Variants in PFKP observed in about 807,000 individuals in gnomAD.
PFKP encodes the protein phosphofructokinase, platelet.
A neutral mutation model predicts 94.3 loss-of-function variants in PFKP; 101 were observed. The ratio of observed to expected loss-of-function variants is 1.07; its 90% CI spans 0.91 to 1.26. The LOEUF is 1.26. PFKP is among the 50% of genes most tolerant of loss of function. The pLI, the probability that PFKP is intolerant of heterozygous loss-of-function variation, is 0.00. For missense variants in PFKP, 1,145 were observed against 1,103.3 expected (o/e 1.04, Z -0.53); for synonymous variants, 573 against 432.6 (o/e 1.32, Z -4.03).
rs1564303105 is a variant in PFKP at position 3,103,793 on chromosome 10, G to T, written c.469G>T (p.Glu157Ter). 1.2e-6 allele frequency: 2 copies of T among 1,613,936 alleles called. No individual in the cohort carries two copies. Among genetic ancestry groups the T allele is most frequent in the African/African-American group, 2.7e-5 (2 of 75,062 alleles). ...ELARNGQIDK[E>*]AVQKYAYLNV... is the part of the protein sequence containing the mutation. The stretch of plus-strand genomic sequence containing the variant: ...TCCCCGCGCAGGCCAGATCGATAAG[G>T]AGGCCGTGCAGAAGTACGCCTACCT... The change falls in exon 5 of 22, where the codon GAG (glutamate) becomes TAG (stop). Residue 157 changes from glutamate (E) to a stop codon, truncating the protein, a stop_gained. Transcript: ENST00000381125. LOFTEE classifies it high-confidence loss of function.
intron 2 of PFKP, among the ~76,000 whole-genome samples, chr10:3,086,095 G>T (rs1833570042): frequency 6.6e-6 from 1 of 152,104 alleles, no homozygotes; most frequent in African/African-American, 2.4e-5. Context: ...AGCTGTTTGG[G>T]GATGGAGTAT....
chr10:3,124,818 A>C (rs1156855787), intron 16 of PFKP, among the ~76,000 whole-genome samples: 3 of 149,468 alleles, frequency 2.0e-5, no homozygotes, highest in Admixed American at 2.0e-4. Flanking sequence ...CGTTGCCTGC[A>C]ACCTGCTCCG....
At chr10:3,111,247 T>G (rs1198198288) in intron 10 of PFKP, among the ~76,000 whole-genome samples, 1 of 152,162 alleles carries the variant, frequency 6.6e-6, no homozygotes, top group Non-Finnish European at 1.5e-5. Context: ...TGCAGATGTG[T>G]GCATGTTGGC....
intron 1 of PFKP, among the ~76,000 whole-genome samples, chr10:3,071,639 G>A (rs771725354): frequency 6.6e-6 from 1 of 152,154 alleles, no homozygotes; most frequent in Non-Finnish European, 1.5e-5. Context: ...GTCACAGGTT[G>A]TGGCTTCTGA....
chr10:3,111,379 T>A (rs544740687), intron 10 of PFKP, among the ~76,000 whole-genome samples: 1 of 152,262 alleles, frequency 6.6e-6, no homozygotes, highest in South Asian at 2.1e-4. Flanking sequence ...TGTGTGCATG[T>A]GAGAGGCAGT....
At chr10:3,093,638 C>CTTTTTTTTTTTTTTTTTTTTTTTTTTTT (rs765547765) in intron 2 of PFKP, among the ~76,000 whole-genome samples, 1 of 94,056 alleles carries the variant, frequency 1.1e-5, no homozygotes, top group African/African-American at 4.7e-5. Context: ...CAAGCATTAT[C>CTTTTTTTTTTTTTTTTTTTTTTTTTTTT]TTTTTTTTTT....
rs11819604 is a variant in PFKP, at chr10:3,083,613, C to A, written c.186+1152C>A. Reference sequence around the variant, plus strand: ...ACGATTATGTCATGACTTTTCACTACGTAGGTTTCACGACTGTTGCTTTAA... The same window carrying A: ...ACGATTATGTCATGACTTTTCACTAAGTAGGTTTCACGACTGTTGCTTTAA... On this transcript the variant is annotated intron_variant, in intron 2 of 21. Transcript: ENST00000381125. 4.8e-3 allele frequency among the ~76,000 whole-genome samples: 729 copies of A among 151,424 alleles called. 8 individuals are homozygous for A. The highest frequency in any genetic ancestry group is 0.017 in the African/African-American group (711 of 41,188).
intron 1 of PFKP, among the ~76,000 whole-genome samples, chr10:3,080,106 C>A (rs1832934683): frequency 6.6e-6 from 1 of 151,764 alleles, no homozygotes; most frequent in Non-Finnish European, 1.5e-5. Context: ...GAACAGGAGC[C>A]TCCGAGTGCT....
At chr10:3,124,873 C>G (rs904812275) in intron 16 of PFKP, among the ~76,000 whole-genome samples, 2 of 152,222 alleles carry the variant, frequency 1.3e-5, no homozygotes, top group Non-Finnish European at 2.9e-5. Context: ...CAGGCACCCC[C>G]TTTCATGAGG....
At chr10:3,120,573 CTG>C (rs1837305578) in intron 16 of PFKP, among the ~76,000 whole-genome samples, 1 of 152,184 alleles carries the variant, frequency 6.6e-6, no homozygotes, top group Non-Finnish European at 1.5e-5. Flanking sequence ...CCTTTGTAAA[CTG>C]GGGATGTTAA....
At chr10:3,122,490 G>A (rs988240544) in intron 16 of PFKP, among the ~76,000 whole-genome samples, 5 of 152,222 alleles carry the variant, frequency 3.3e-5, no homozygotes, top group African/African-American at 4.8e-5. Context: ...ATCCTGAGAA[G>A]GTTTGGATTT....
At chr10:3,114,041 A>AAGGATGCCAACT in intron 13 of PFKP, among the ~76,000 whole-genome samples, 1 of 152,014 alleles carries the variant, frequency 6.6e-6, no homozygotes, top group Non-Finnish European at 1.5e-5. Context: ...ACCGAGGCAT[A>AAGGATGCCAACT]GGGCTGGGTG....
At chr10:3,123,319 C>A (rs1228500643) in intron 16 of PFKP, among the ~76,000 whole-genome samples, 2 of 152,240 alleles carry the variant, frequency 1.3e-5, no homozygotes, top group Non-Finnish European at 2.9e-5. Context: ...TGACCACAGC[C>A]TCGTGACTGA....
At chr10:3,070,937 A>G (rs1404369487) in intron 1 of PFKP, among the ~76,000 whole-genome samples, 1 of 146,982 alleles carries the variant, frequency 6.8e-6, no homozygotes, top group Admixed American at 6.7e-5. Flanking sequence ...TTGTAGAGAC[A>G]GGATCTCACT....
rs1244162120 is a variant in PFKP, at chr10:3,105,383, G to C, written c.666-10G>C. The C allele has an allele frequency of 1.9e-6, 3 of 1,608,710 alleles. No homozygotes were observed. In the African/African-American group the frequency reaches 4.0e-5, roughly 21 times the overall value. On this transcript the variant is annotated splice_polypyrimidine_tract_variant and intron_variant, in intron 6 of 21. Coordinates refer to ENST00000381125, the MANE Select transcript of PFKP (RefSeq NM_002627.5). The stretch of plus-strand genomic sequence containing the variant: ...TCTGGGGTGTTGATGCTGTTGCCTT[G>C]TCCACATAGGTACCTGGCCCTGGTG...
At chr10:3,077,249 C>CTTTTTTTTTTTTTTTTTTTTTTTT (rs35306351) in intron 1 of PFKP, among the ~76,000 whole-genome samples, 2 of 108,180 alleles carry the variant, frequency 1.8e-5, no homozygotes, top group Non-Finnish European at 1.8e-5. Context: ...CTATTCTTTA[C>CTTTTTTTTTTTTTTTTTTTTTTTT]TTTTTTTTTT....
rs151282595 is a variant in PFKP at position 3,136,664 on chromosome 10, C to G, written c.*85C>G. 3 of 1,449,786 alleles carry G rather than the reference C, an allele frequency of 2.1e-6. No individual in the cohort carries two copies. The Admixed American group carries it at 5.6e-5, about 27-fold the overall frequency. The allele number at this position is 1,449,786 out of a possible 1,614,324, so 89.8% of individuals were successfully genotyped here. ...AGTTATTTTATCAGCACTTTATGCA[C>G]GTATTATTGACATTAATACCTAATC... On this transcript the variant is annotated 3_prime_UTR_variant, in exon 22 of 22. Coordinates refer to ENST00000381125, the MANE Select transcript of PFKP (RefSeq NM_002627.5).
At chr10:3,134,741 T>C (rs1839029003) in intron 20 of PFKP, among the ~76,000 whole-genome samples, 159 bp downstream of exon 20, 1 of 152,270 alleles carries the variant, frequency 6.6e-6, no homozygotes. Flanking sequence ...AGTGTTGCTA[T>C]TTAACCAACC....
intron 9 of PFKP, among the ~76,000 whole-genome samples, 182 bp from the exon 10 acceptor site, chr10:3,109,173 C>T (rs1158788697): frequency 6.6e-6 from 1 of 152,230 alleles, no homozygotes; most frequent in Non-Finnish European, 1.5e-5. Flanking sequence ...CTGACCTCCT[C>T]TCTGTTCCCG....
Sources: allele counts gnomAD v4.1 joint callset (sites outside exome capture counted in the v4.1 genomes callset), GRCh38; gene constraint gnomAD v4.1.1; transcripts MANE v1.5; gene names NCBI Gene and HGNC (gene_info 2026-07-23, HGNC 2026-07-21).